CSMD1: variants seen among roughly 807,000 people sequenced by gnomAD.
The protein encoded by CSMD1 is CUB and sushi domain-containing protein 1.
Under a neutral mutation model 417.5 loss-of-function variants are expected in CSMD1, and 213 were observed. The ratio of observed to expected loss-of-function variants is 0.51; its 90% CI spans 0.46 to 0.57. CSMD1 has a LOEUF of 0.57. CSMD1 is among the 20% of genes least tolerant of loss of function. The probability of loss-of-function intolerance (pLI) is 0.00; values close to 1 mark genes in which losing one functional copy is unlikely to be tolerated. For missense variants in CSMD1, 6,923 were observed against 4,529.7 expected, an observed-to-expected ratio of 1.53 and a Z score of -15.17; for synonymous variants, 2,862 against 1,736.8, an observed-to-expected ratio of 1.65 and a Z score of -16.11.
At chr8:4,647,562 C>T (rs963644400) in intron 1 of CSMD1, among the ~76,000 whole-genome samples, 1 of 152,154 alleles carries the variant, frequency 6.6e-6, no homozygotes, top group African/African-American at 2.4e-5. Context: ...AGTTCCCTCC[C>T]CTCATCCCCC....
intron 3 of CSMD1, among the ~76,000 whole-genome samples, chr8:4,199,609 C>T (rs1051942291): frequency 4.6e-5 from 7 of 152,160 alleles, no homozygotes; most frequent in South Asian, 2.1e-4. Context: ...TCCTCCTCAA[C>T]GCCTTGCATT....
At chr8:3,398,559 T>C (rs1181241561) in intron 16 of CSMD1, among the ~76,000 whole-genome samples, 2 of 152,228 alleles carry the variant, frequency 1.3e-5, no homozygotes, top group African/African-American at 4.8e-5. Context: ...TTCATCTATC[T>C]TGAGACACCA....
intron 1 of CSMD1, among the ~76,000 whole-genome samples, chr8:4,677,519 G>A (rs1341971356): frequency 1.3e-5 from 2 of 152,124 alleles, no homozygotes; most frequent in African/African-American, 2.4e-5. Flanking sequence ...AAATTTTCCA[G>A]TGAAGGATTT....
At chr8:3,566,052 C>T (rs1476635116) in intron 10 of CSMD1, among the ~76,000 whole-genome samples, 1 of 152,090 alleles carries the variant, frequency 6.6e-6, no homozygotes, top group Admixed American at 6.5e-5. Flanking sequence ...CATACGGGAC[C>T]CTGTTTATAT....
chr8:2,971,990 C>T (rs1407458879), intron 57 of CSMD1, among the ~76,000 whole-genome samples: 1 of 151,830 alleles, frequency 6.6e-6, no homozygotes, highest in East Asian at 1.9e-4. Context: ...CATATATATA[C>T]ATATATAGTC....
chr8:3,866,787 A>G (rs958154863), intron 5 of CSMD1, among the ~76,000 whole-genome samples: 2 of 152,174 alleles, frequency 1.3e-5, no homozygotes, highest in African/African-American at 4.8e-5. Flanking sequence ...CTTTCCTTCA[A>G]TAACGGCTCA....
intron 10 of CSMD1, among the ~76,000 whole-genome samples, chr8:3,556,392 A>AAT (rs367650533): frequency 0.032 from 3,880 of 120,446 alleles, 217 homozygotes; most frequent in African/African-American, 0.089. Flanking sequence ...TATAATAATT[A>AAT]ATATATATAT....
Position 4,637,492 on chromosome 8 carries a change from C to A in CSMD1, c.152G>T (p.Gly51Val), listed in dbSNP as rs770018480. 5.6e-6 allele frequency: 9 copies of A among 1,613,672 alleles called. No homozygotes were observed. The East Asian group carries it at 1.6e-4, about 28-fold the overall frequency. The change falls in exon 2 of 70, where the codon GGG becomes GTG. Residue 51 changes from glycine (G) to valine (V), a missense_variant. Coordinates refer to ENST00000635120, the MANE Select transcript of CSMD1 (RefSeq NM_033225.6). Reference sequence around the variant, plus strand: ...GGTGCAGTTGGCATAGTTCGGATACCCGTGAGGAAACCCTGGGCTCTCAAT... The same window carrying A: ...GGTGCAGTTGGCATAGTTCGGATACACGTGAGGAAACCCTGGGCTCTCAAT... The part of the protein sequence containing the change: ...GTIESPGFPH[G>V]YPNYANCTWI...
chr8:3,765,998 C>G (rs899297114), intron 5 of CSMD1, among the ~76,000 whole-genome samples: 2 of 152,200 alleles, frequency 1.3e-5, no homozygotes. Context: ...CAGAGAGGAT[C>G]ATTTGGGAGA....
chr8:4,415,612 C>T (rs1216750347), intron 3 of CSMD1, among the ~76,000 whole-genome samples: 1 of 152,188 alleles, frequency 6.6e-6, no homozygotes, highest in African/African-American at 2.4e-5. Context: ...TCACTAGTCA[C>T]TGACAATAAG....
chr8:4,253,527 G>A (rs539948894), intron 3 of CSMD1, among the ~76,000 whole-genome samples: 1 of 152,252 alleles, frequency 6.6e-6, no homozygotes, highest in South Asian at 2.1e-4. Flanking sequence ...AGAGAAAGAA[G>A]AAAAGGATGA....
At chr8:3,355,141 A>G (rs1563304322) in intron 21 of CSMD1, among the ~76,000 whole-genome samples, 1 of 151,918 alleles carries the variant, frequency 6.6e-6, no homozygotes, top group Non-Finnish European at 1.5e-5. Context: ...TTGTCAAGCA[A>G]ATAGAGTTAA....
chr8:3,544,636 T>A (rs555268413), intron 10 of CSMD1, among the ~76,000 whole-genome samples: 2 of 152,186 alleles, frequency 1.3e-5, no homozygotes, highest in South Asian at 4.1e-4. Flanking sequence ...GAACGGACCG[T>A]CCAATCTGAC....
At chr8:3,298,111 T>C (rs1209081229) in intron 25 of CSMD1, among the ~76,000 whole-genome samples, 1 of 152,194 alleles carries the variant, frequency 6.6e-6, no homozygotes, top group Non-Finnish European at 1.5e-5. Context: ...GTGAAGTTCC[T>C]GAAATTCTCT....
chr8:3,265,749 C>T lies in CSMD1; in HGVS notation c.4153+18395G>A, dbSNP rs1420044558. Among the ~76,000 whole-genome samples the T allele has an allele frequency of 2.0e-5, 3 of 152,102 alleles. No individual in the cohort carries two copies. In the East Asian group the frequency reaches 5.8e-4, roughly 30 times the overall value. On this transcript the variant is annotated intron_variant, in intron 26 of 69. Transcript: ENST00000635120. ...GCCCTAGCTTTTACCTTTCCTTCTG[C>T]CAGCATGGCCTTTCTTCAGCATGAC...
intron 1 of CSMD1, among the ~76,000 whole-genome samples, chr8:4,915,973 C>G (rs1163514922): frequency 6.6e-6 from 1 of 152,174 alleles, no homozygotes; most frequent in Non-Finnish European, 1.5e-5. Flanking sequence ...TTCTCTTCCG[C>G]TAGTTCCCAT....
At chr8:4,464,247 A>G (rs1258070268) in intron 2 of CSMD1, among the ~76,000 whole-genome samples, 3 of 151,930 alleles carry the variant, frequency 2.0e-5, no homozygotes, top group Non-Finnish European at 2.9e-5. Flanking sequence ...CCACATTAAC[A>G]TCTTCCTGCA....
chr8:3,680,565 A>T (rs1220883112), intron 7 of CSMD1, among the ~76,000 whole-genome samples: 1 of 152,216 alleles, frequency 6.6e-6, no homozygotes, highest in Non-Finnish European at 1.5e-5. Flanking sequence ...AACCAAAAAA[A>T]GTCCAGGACC....
intron 1 of CSMD1, among the ~76,000 whole-genome samples, chr8:4,990,245 T>A (rs1285792154): frequency 6.6e-6 from 1 of 152,216 alleles, no homozygotes; most frequent in East Asian, 1.9e-4. Flanking sequence ...ACTGAAAAGC[T>A]TTCCGCTGAA....
Sources: allele counts gnomAD v4.1 joint callset (sites outside exome capture counted in the v4.1 genomes callset), GRCh38; gene constraint gnomAD v4.1.1; transcripts MANE v1.5; gene names NCBI Gene and HGNC (gene_info 2026-07-23, HGNC 2026-07-21).